The following RSRC2 variants were observed in gnomAD, a reference collection of about 807,000 sequenced individuals.
The protein encoded by RSRC2 is arginine and serine rich coiled-coil 2.
In RSRC2, 5 loss-of-function variants were observed where a neutral mutation model predicts 61.3. The observed-to-expected ratio is 0.08, with a 90% CI of 0.04 to 0.17. The LOEUF (loss-of-function observed/expected upper bound fraction) is 0.17. Ranked by LOEUF, RSRC2 falls within the 10% of genes least tolerant of loss-of-function variation. The pLI is 1.00. For synonymous variants in RSRC2, 202 were observed against 166.5 expected (o/e 1.21, Z -1.64); for missense variants, 381 against 518.8 (o/e 0.73, Z 2.58).
chr12:122,509,677 T>A (rs1334659177), intron 7 of RSRC2, among the ~76,000 whole-genome samples: 2 of 152,056 alleles, frequency 1.3e-5, no homozygotes, highest in Non-Finnish European at 2.9e-5. Context: ...AAGAGAGTAA[T>A]GATGTAGTAA....
Position 122,515,510 on chromosome 12 carries a change from C to T in RSRC2, c.603-283G>A, listed in dbSNP as rs752601529. Among the ~76,000 whole-genome samples, 3 of 152,094 alleles carry T rather than the reference C, an allele frequency of 2.0e-5. No individual in the cohort carries two copies. The East Asian group carries it at 5.8e-4, about 29-fold the overall frequency. ...CAGAGTACACAGGTCTACAAGCATG[C>T]CCCACCGCATCTGGCTGTTTCCAAT... On this transcript the variant is annotated intron_variant, in intron 5 of 9. Transcript: ENST00000331738.
At chr12:122,518,779 CAAT>C (rs1959110438) in intron 4 of RSRC2, 57 bp downstream of exon 4, 1 of 1,337,250 alleles carries the variant, frequency 7.5e-7, no homozygotes, top group South Asian at 1.2e-5. Flanking sequence ...GTTGCTGGGT[CAAT>C]GAGAAACTTT....
chr12:122,509,444 C>T (rs1313054101), intron 7 of RSRC2, among the ~76,000 whole-genome samples: 4 of 148,928 alleles, frequency 2.7e-5, no homozygotes, highest in Non-Finnish European at 3.0e-5. Context: ...TATGAGCCTC[C>T]GTCTCAAAAA....
intron 1 of RSRC2, among the ~76,000 whole-genome samples, chr12:122,526,631 G>GA (rs201292821): frequency 1.6e-4 from 24 of 150,842 alleles, no homozygotes; most frequent in Admixed American, 4.6e-4. Flanking sequence ...GAAAGTTCTG[G>GA]AAAAAAAAAG....
intron 5 of RSRC2, 77 bp from the exon 6 acceptor site, chr12:122,515,304 A>AGGCCGGGCGCGGTGGCTC: frequency 1.4e-6 from 2 of 1,433,058 alleles, no homozygotes. Context: ...CAATTAGTTC[A>AGGCCGGGCGCGGTGGCTC]AACAAAAATC....
In RSRC2 at chr12:122,505,721, T is replaced by G. The variant is rs1566321045; in HGVS notation, c.1126-15A>C. The G allele has an allele frequency of 1.9e-6, 3 of 1,601,176 alleles. No individual in the cohort carries two copies. Among genetic ancestry groups the G allele is most frequent in the South Asian group, 2.2e-5 (2 of 90,376 alleles). ...TCATCTTCACTCTAAAAATCAGACA[T>G]AAAACATTACAATGAATTCAGATGG... On this transcript the variant is annotated splice_polypyrimidine_tract_variant and intron_variant, in intron 9 of 9. Coordinates refer to ENST00000331738, the MANE Select transcript of RSRC2 (RefSeq NM_023012.6).
intron 5 of RSRC2, among the ~76,000 whole-genome samples, chr12:122,515,759 G>A (rs1220334891): frequency 6.6e-6 from 1 of 152,182 alleles, no homozygotes; most frequent in Non-Finnish European, 1.5e-5. Flanking sequence ...GGAAGCTCAG[G>A]CGGACAGATG....
chr12:122,517,942 T>A (rs1480033827), intron 4 of RSRC2, among the ~76,000 whole-genome samples: 2 of 152,198 alleles, frequency 1.3e-5, no homozygotes, highest in Non-Finnish European at 2.9e-5. Flanking sequence ...AAAGGACTGT[T>A]TATCAGCTTA....
intron 1 of RSRC2, among the ~76,000 whole-genome samples, chr12:122,524,712 T>C (rs1053807081): frequency 6.6e-6 from 1 of 152,206 alleles, no homozygotes; most frequent in Non-Finnish European, 1.5e-5. Flanking sequence ...CATGGAAAAC[T>C]TTTATTTCCC....
At chr12:122,508,033 A>AC in intron 8 of RSRC2, 185 bp downstream of exon 8, 1 of 656,478 alleles carries the variant, frequency 1.5e-6, no homozygotes, top group African/African-American at 1.8e-5. Context: ...TGGACTCCTT[A>AC]CCTCAACTGA....
chr12:122,523,004 T>C (rs1959455094), intron 1 of RSRC2: 1 of 152,208 alleles, frequency 6.6e-6, no homozygotes, highest in Non-Finnish European at 1.5e-5. Context: ...AGGTAGACAA[T>C]GCTCGGCTAT....
At chr12:122,524,779 C>T (rs955732174) in intron 1 of RSRC2, among the ~76,000 whole-genome samples, 1 of 152,148 alleles carries the variant, frequency 6.6e-6, no homozygotes, top group Non-Finnish European at 1.5e-5. Context: ...CTACCAAAAA[C>T]TGAGTATTAA....
rs565456530 is a variant in RSRC2 at position 122,522,060 on chromosome 12, T to A, written c.163+83A>T. On this transcript the variant is annotated intron_variant, in intron 2 of 9. Transcript: ENST00000331738. ...GAGCCACCATGCCCAGCCAACAAAC[T>A]AAATGTATGTGTCTTCTTATACAAC... 6 of 1,385,396 alleles carry A rather than the reference T, an allele frequency of 4.3e-6. No individual in the cohort carries two copies. The South Asian group carries it at 8.7e-5, about 20-fold the overall frequency. The allele number at this position is 1,385,396 out of a possible 1,614,324, so 85.8% of individuals were successfully genotyped here.
At chr12:122,525,801 GTT>G (rs1169838098) in intron 1 of RSRC2, among the ~76,000 whole-genome samples, 1 of 21,498 alleles carries the variant, frequency 4.7e-5, no homozygotes, top group African/African-American at 3.7e-4. Flanking sequence ...TCAACGAAGA[GTT>G]TTTTTTTTTT....
intron 5 of RSRC2, 35 bp downstream of exon 5, chr12:122,517,192 C>T (rs1959003595): frequency 6.2e-7 from 1 of 1,612,588 alleles, no homozygotes; most frequent in Non-Finnish European, 8.5e-7. Flanking sequence ...CTCTGAGGGT[C>T]CTATTAAATT....
Position 122,511,107 on chromosome 12 carries a change from A to C in RSRC2, c.805+2T>G. The C allele has an allele frequency of 6.3e-7, 1 of 1,589,664 alleles. No individual in the cohort carries two copies. The highest frequency in any genetic ancestry group is 1.3e-5 in the African/African-American group (1 of 74,324). On this transcript the variant is annotated splice_donor_variant, in intron 7 of 9. Coordinates refer to ENST00000331738, the MANE Select transcript of RSRC2 (RefSeq NM_023012.6). LOFTEE classifies it high-confidence loss of function. ...TGACTAAAAAAGAATGAAAAAAATTACCTGCAGCTATTTCTTGTTGTTTTT... is the reference window on the plus strand; with the variant it reads ...TGACTAAAAAAGAATGAAAAAAATTCCCTGCAGCTATTTCTTGTTGTTTTT...
intron 7 of RSRC2, among the ~76,000 whole-genome samples, chr12:122,508,668 C>T (rs1275756852): frequency 6.6e-6 from 1 of 152,060 alleles, no homozygotes; most frequent in Non-Finnish European, 1.5e-5. Context: ...ATATATAAAC[C>T]ATTTATTGCA....
chr12:122,506,541 T>C, intron 9 of RSRC2: 1 of 264,908 alleles, frequency 3.8e-6, no homozygotes, highest in Non-Finnish European at 7.1e-6. Context: ...GCCTCGAAGT[T>C]TAAGGCTGCA....
chr12:122,516,936 G>A (rs925767143), intron 5 of RSRC2, among the ~76,000 whole-genome samples: 1 of 152,078 alleles, frequency 6.6e-6, no homozygotes, highest in African/African-American at 2.4e-5. Context: ...CAAAAAATCT[G>A]CTCGCCTCGT....
Sources: allele counts gnomAD v4.1 joint callset (sites outside exome capture counted in the v4.1 genomes callset), GRCh38; gene constraint gnomAD v4.1.1; transcripts MANE v1.5; gene names NCBI Gene and HGNC (gene_info 2026-07-23, HGNC 2026-07-21).